The following MGAT4C variants were observed in gnomAD, a reference collection of about 807,000 sequenced individuals.
The protein encoded by MGAT4C is alpha-1,3-mannosyl-glycoprotein 4-beta-N-acetylglucosaminyltransferase C.
Under a neutral mutation model 40.1 loss-of-function variants are expected in MGAT4C, and 19 were observed. That is an observed-to-expected ratio of 0.47 (90% CI 0.33 to 0.70). The LOEUF (loss-of-function observed/expected upper bound fraction) is 0.70. Among genes scored for constraint, MGAT4C ranks in the 30% least tolerant of loss-of-function variants. MGAT4C has a pLI of 0.02. For missense variants in MGAT4C, 491 were observed against 563.2 expected, an observed-to-expected ratio of 0.87 and a Z score of 1.30; for synonymous variants, 181 against 187.1, an observed-to-expected ratio of 0.97 and a Z score of 0.27.
chr12:86,284,872 A>G (rs1328246865), intron 4 of MGAT4C, among the ~76,000 whole-genome samples: 1 of 152,004 alleles, frequency 6.6e-6, no homozygotes, highest in East Asian at 1.9e-4. Flanking sequence ...AAATCCTGAG[A>G]GCATATGTCA....
At chr12:86,349,129 C>A (rs1453376572) in intron 3 of MGAT4C, among the ~76,000 whole-genome samples, 2 of 152,066 alleles carry the variant, frequency 1.3e-5, no homozygotes, top group East Asian at 3.9e-4. Flanking sequence ...TATGTGGTAA[C>A]CATGTCCTTG....
At chr12:86,132,831 C>A (rs939506618) in intron 1 of MGAT4C, among the ~76,000 whole-genome samples, 1 of 148,260 alleles carries the variant, frequency 6.7e-6, no homozygotes, top group Non-Finnish European at 1.5e-5. Flanking sequence ...GAAAAACTGA[C>A]AGTAGGGTTA....
intron 1 of MGAT4C, among the ~76,000 whole-genome samples, chr12:86,804,142 A>C (rs1426097498): frequency 7.5e-4 from 113 of 151,554 alleles, no homozygotes; most frequent in African/African-American, 2.1e-3. Context: ...TGGAAATCAT[A>C]ATTCTCAGTA....
rs565196653 is a variant in MGAT4C at position 85,979,489 on chromosome 12, C to T, written c.1237G>A (p.Val413Ile). The T allele has an allele frequency of 1.9e-6, 3 of 1,613,390 alleles. No individual in the cohort carries two copies. Among genetic ancestry groups the T allele is most frequent in the Non-Finnish European group, 2.5e-6 (3 of 1,179,550 alleles). The change falls in exon 5 of 5, where the codon GTT becomes ATT. Residue 413 changes from valine to isoleucine, a missense_variant. Transcript: ENST00000611864. ...NDILHHGALD[V>I]GENVMPSKQR... Reference sequence around the variant, plus strand: ...TTGCTAGGCATAACGTTTTCCCCAACATCTAGGGCTCCATGATGCAAAATA... The same window carrying T: ...TTGCTAGGCATAACGTTTTCCCCAATATCTAGGGCTCCATGATGCAAAATA...
chr12:86,685,167 A>T (rs1950051146), intron 2 of MGAT4C, among the ~76,000 whole-genome samples: 1 of 152,116 alleles, frequency 6.6e-6, no homozygotes, highest in South Asian at 2.1e-4. Context: ...TTATGGTCCT[A>T]GATCTTATGC....
chr12:86,289,266 G>A (rs1265134637), intron 4 of MGAT4C, among the ~76,000 whole-genome samples: 5 of 143,320 alleles, frequency 3.5e-5, no homozygotes, highest in Non-Finnish European at 6.2e-5. Flanking sequence ...ACTAGTCTAC[G>A]TGTTTGTTTT....
chr12:86,428,723 C>A (rs972436094), intron 3 of MGAT4C, among the ~76,000 whole-genome samples: 2 of 152,092 alleles, frequency 1.3e-5, no homozygotes, highest in Non-Finnish European at 2.9e-5. Flanking sequence ...AGGAATTTAT[C>A]CATTTCTTAT....
At chr12:86,289,121 C>T (rs1427297137) in intron 4 of MGAT4C, among the ~76,000 whole-genome samples, 1 of 152,104 alleles carries the variant, frequency 6.6e-6, no homozygotes, top group Non-Finnish European at 1.5e-5. Flanking sequence ...AATCTTCTGC[C>T]TAGAGCTAGC....
At chr12:86,010,845 T>G (rs1159809479) in intron 2 of MGAT4C, among the ~76,000 whole-genome samples, 1 of 152,122 alleles carries the variant, frequency 6.6e-6, no homozygotes, top group African/African-American at 2.4e-5. Flanking sequence ...GCTAATGGAT[T>G]AGTGGGTTAT....
intron 3 of MGAT4C, among the ~76,000 whole-genome samples, chr12:86,348,043 G>C (rs1236399251): frequency 1.3e-5 from 2 of 152,080 alleles, no homozygotes; most frequent in African/African-American, 2.4e-5. Context: ...CTGTTGTTTA[G>C]AATGATGTGT....
At chr12:86,579,264 A>C (rs148926566) in intron 2 of MGAT4C, among the ~76,000 whole-genome samples, 136 of 150,872 alleles carry the variant, frequency 9.0e-4, no homozygotes, top group African/African-American at 3.1e-3. Flanking sequence ...AATGAAGGTG[A>C]TTTTTCTCTG....
chr12:86,820,294 T>C (rs1267373741), intron 1 of MGAT4C, among the ~76,000 whole-genome samples: 1 of 150,842 alleles, frequency 6.6e-6, no homozygotes, highest in Non-Finnish European at 1.5e-5. Flanking sequence ...ATGTCCACTA[T>C]GGGTTGGTGG....
intron 1 of MGAT4C, among the ~76,000 whole-genome samples, chr12:86,837,671 T>C (rs1566024824): frequency 6.6e-6 from 1 of 152,142 alleles, no homozygotes; most frequent in East Asian, 1.9e-4. Flanking sequence ...TAGATTTCAT[T>C]GAGCCTATTC....
At chr12:86,489,154 T>A (rs1178000930) in intron 2 of MGAT4C, among the ~76,000 whole-genome samples, 1 of 152,058 alleles carries the variant, frequency 6.6e-6, no homozygotes, top group Non-Finnish European at 1.5e-5. Flanking sequence ...CAGCTGGATA[T>A]CAGGGAGAAG....
intron 1 of MGAT4C, among the ~76,000 whole-genome samples, chr12:86,791,593 T>G (rs1952023198): frequency 6.6e-6 from 1 of 152,214 alleles, no homozygotes; most frequent in South Asian, 2.1e-4. Context: ...ACACAAATTC[T>G]AATTTCACAT....
At chr12:86,613,078 A>T (rs991356625) in intron 2 of MGAT4C, among the ~76,000 whole-genome samples, 3 of 152,172 alleles carry the variant, frequency 2.0e-5, no homozygotes, top group Admixed American at 6.5e-5. Context: ...CCTGTAAATG[A>T]TATGTAAGTT....
At chr12:86,808,476 T>C (rs991899662) in intron 1 of MGAT4C, among the ~76,000 whole-genome samples, 1 of 152,040 alleles carries the variant, frequency 6.6e-6, no homozygotes, top group African/African-American at 2.4e-5. Flanking sequence ...TGGTTCAATA[T>C]ACACAAATCA....
At chr12:86,087,835 T>C (rs1385025974) in intron 1 of MGAT4C, among the ~76,000 whole-genome samples, 2 of 151,928 alleles carry the variant, frequency 1.3e-5, no homozygotes, top group Non-Finnish European at 2.9e-5. Flanking sequence ...TTGCTATTCC[T>C]ATCAAACTAA....
At chr12:86,421,170 T>C (rs531453885) in intron 3 of MGAT4C, among the ~76,000 whole-genome samples, 1 of 152,216 alleles carries the variant, frequency 6.6e-6, no homozygotes, top group Non-Finnish European at 1.5e-5. Flanking sequence ...TGAATGTCTC[T>C]ACATGGCAGA....
Sources: gnomAD v4.1 joint callset for allele counts (sites outside exome capture counted in the v4.1 genomes callset) on GRCh38, gnomAD v4.1.1 for gene constraint, MANE v1.5 for transcripts, NCBI Gene and HGNC (gene_info 2026-07-23, HGNC 2026-07-21) for gene names.